The following EPHA3 variants were observed in gnomAD, a reference collection of about 807,000 sequenced individuals.
EPHA3 encodes EPH receptor A3.
EPHA3 carries 42 observed loss-of-function variants against 107.1 expected under a neutral mutation model. That is an observed-to-expected ratio of 0.39 (90% CI 0.31 to 0.51). The LOEUF is 0.51. Among genes scored for constraint, EPHA3 ranks in the 20% least tolerant of loss-of-function variants. The pLI, the probability that EPHA3 is intolerant of heterozygous loss-of-function variation, is 0.78. For synonymous variants in EPHA3, 461 were observed against 424.8 expected (o/e 1.09, Z -1.05); for missense variants, 1,183 against 1,211.2 (o/e 0.98, Z 0.35).
In EPHA3 at chr3:89,472,572, G is replaced by A. The variant is rs761761984; in HGVS notation, c.2799G>A (p.Thr933=). The change falls in exon 16 of 17, where the codon ACG becomes ACA. Residue 933 remains threonine, a synonymous_variant. Transcript: ENST00000336596. ...CAGCACACTGCAAGGAAATCTTCAC[G>A]GGTGTGGAGTACAGTTCTTGTGACA... The part of the protein sequence containing the change: ...VWTAHCKEIF[T]GVEYSSCDTI... 1.2e-6 allele frequency: 2 copies of A among 1,614,048 alleles called. No homozygotes were observed. The highest frequency in any genetic ancestry group is 8.5e-7 in the Non-Finnish European group (1 of 1,179,962).
intron 3 of EPHA3, among the ~76,000 whole-genome samples, chr3:89,219,869 C>T (rs1234214283): frequency 2.7e-5 from 4 of 148,068 alleles, no homozygotes; most frequent in East Asian, 2.0e-4. Context: ...CCACTACGCC[C>T]GGCTAATTTT....
In EPHA3 at chr3:89,454,061, C is replaced by A. The variant is rs1309666741; in HGVS notation, c.2690+3691C>A. Among the ~76,000 whole-genome samples, 3 of 152,032 alleles carry A rather than the reference C, an allele frequency of 2.0e-5. 1 individual carries two copies. The highest frequency in any genetic ancestry group is 2.9e-5 in the Non-Finnish European group (2 of 68,006). On this transcript the variant is annotated intron_variant, in intron 15 of 16. Coordinates refer to ENST00000336596, the MANE Select transcript of EPHA3 (RefSeq NM_005233.6). ...TATCTTATTCTTATCACCAGGGGAA[C>A]CTATTACACATACAAATATCCAGGT...
rs1265629192 is a variant in EPHA3, at chr3:89,231,465, C to CTTT, written c.814+20948_814+20950dup. ...AGAAAGCAATTTGTTTGCTATTTGC[C>CTTT]TTTTTCCTTCTTGCTTCCTTCCCTC... is the stretch of plus-strand genomic sequence containing the variant. On this transcript the variant is annotated intron_variant, in intron 3 of 16. Coordinates refer to ENST00000336596, the MANE Select transcript of EPHA3 (RefSeq NM_005233.6). Among the ~76,000 whole-genome samples the CTTT allele has an allele frequency of 1.1e-4, 16 of 152,224 alleles. No homozygotes were observed. In the East Asian group the frequency reaches 2.3e-3, roughly 22 times the overall value.
chr3:89,160,546 TTTTGTGTGTGTGTGTGTG>T (rs1283292343), intron 2 of EPHA3, among the ~76,000 whole-genome samples: 8 of 90,900 alleles, frequency 8.8e-5, no homozygotes, highest in South Asian at 6.3e-4. Flanking sequence ...TAATATTAGA[TTTTGTGTGTGTGTGTGTG>T]TGTGTGTGTG....
intron 3 of EPHA3, among the ~76,000 whole-genome samples, chr3:89,283,870 T>A (rs1228337162): frequency 1.3e-5 from 2 of 152,108 alleles, no homozygotes; most frequent in Non-Finnish European, 2.9e-5. Context: ...GGAATATGTT[T>A]TGTCTTCTCT....
chr3:89,230,822 T>TCA (rs1247637593), intron 3 of EPHA3, among the ~76,000 whole-genome samples: 121 of 144,122 alleles, frequency 8.4e-4, no homozygotes, highest in Non-Finnish European at 1.3e-3. Context: ...TCTCTCTCTC[T>TCA]CTCACACACA....
At chr3:89,121,133 G>C (rs1294600946) in intron 1 of EPHA3, among the ~76,000 whole-genome samples, 6 of 152,174 alleles carry the variant, frequency 3.9e-5, no homozygotes, top group Admixed American at 1.3e-4. Flanking sequence ...CTACTCGGGA[G>C]GCTGAGGCAG....
chr3:89,268,385 T>G (rs1705586452), intron 3 of EPHA3, among the ~76,000 whole-genome samples: 1 of 152,128 alleles, frequency 6.6e-6, no homozygotes, highest in Non-Finnish European at 1.5e-5. Flanking sequence ...TAATCTTCAT[T>G]GCTTAGAAAC....
At chr3:89,271,215 A>G (rs930640549) in intron 3 of EPHA3, among the ~76,000 whole-genome samples, 14 of 152,058 alleles carry the variant, frequency 9.2e-5, no homozygotes, top group African/African-American at 3.1e-4. Context: ...TTTTACCTAT[A>G]AAGTCACTGT....
At chr3:89,146,759 G>A (rs967720185) in intron 2 of EPHA3, among the ~76,000 whole-genome samples, 1 of 151,744 alleles carries the variant, frequency 6.6e-6, no homozygotes. Context: ...TTTCTTCTAG[G>A]GTTTTTATAG....
intron 3 of EPHA3, among the ~76,000 whole-genome samples, chr3:89,289,652 C>A (rs1160195892): frequency 6.6e-6 from 1 of 151,968 alleles, no homozygotes; most frequent in Non-Finnish European, 1.5e-5. Context: ...TTTATAAGTT[C>A]TTCCCAGTGA....
At chr3:89,148,312 G>C (rs1416050803) in intron 2 of EPHA3, among the ~76,000 whole-genome samples, 1 of 151,916 alleles carries the variant, frequency 6.6e-6, no homozygotes, top group African/African-American at 2.4e-5. Flanking sequence ...GTATCTAAAA[G>C]ATAATGGAGA....
At chr3:89,351,412 G>A (rs1226888896) in intron 5 of EPHA3, among the ~76,000 whole-genome samples, 8 of 150,196 alleles carry the variant, frequency 5.3e-5, no homozygotes, top group African/African-American at 7.3e-5. Context: ...TCTTTGACTC[G>A]GAAAGGGAAC....
At chr3:89,197,152 C>G (rs1705854731) in intron 2 of EPHA3, among the ~76,000 whole-genome samples, 1 of 152,116 alleles carries the variant, frequency 6.6e-6, no homozygotes, top group African/African-American at 2.4e-5. Context: ...ACCTAAATGA[C>G]CTTCTACTCA....
chr3:89,453,686 T>C lies in EPHA3; in HGVS notation c.2690+3316T>C, dbSNP rs886159155. Among the ~76,000 whole-genome samples, 71 of 152,338 alleles carry C rather than the reference T, an allele frequency of 4.7e-4. 1 individual carries two copies. The highest frequency in any genetic ancestry group is 1.7e-3 in the African/African-American group (71 of 41,584). Reference sequence around the variant, plus strand: ...CTATGTCAAGAAGTTTTTTTCTCTTTAGAAAATTTGCTTTCCTACTTTTGA... The same window carrying C: ...CTATGTCAAGAAGTTTTTTTCTCTTCAGAAAATTTGCTTTCCTACTTTTGA... On this transcript the variant is annotated intron_variant, in intron 15 of 16. Transcript: ENST00000336596.
chr3:89,278,941 G>A (rs551434527), intron 3 of EPHA3, among the ~76,000 whole-genome samples: 157 of 152,268 alleles, frequency 1.0e-3, no homozygotes, highest in African/African-American at 3.6e-3. Context: ...TTTTTAACTC[G>A]AGGATTCTCA....
chr3:89,473,767 TC>T (rs1415979268), intron 16 of EPHA3, among the ~76,000 whole-genome samples: 2 of 152,122 alleles, frequency 1.3e-5, no homozygotes, highest in Non-Finnish European at 2.9e-5. Context: ...TCATTTATCT[TC>T]AAAAGAAGTA....
intron 3 of EPHA3, among the ~76,000 whole-genome samples, chr3:89,320,020 G>GT (rs1707006274): frequency 1.3e-5 from 2 of 151,758 alleles, no homozygotes; most frequent in Admixed American, 6.6e-5. Context: ...TTAAGCATGA[G>GT]TTTTTTCAGA....
intron 5 of EPHA3, among the ~76,000 whole-genome samples, chr3:89,354,712 T>C (rs895543030): frequency 6.6e-6 from 1 of 151,172 alleles, no homozygotes; most frequent in African/African-American, 2.4e-5. Context: ...CTTCTTGACA[T>C]GATTAGCACT....
Sources: allele counts gnomAD v4.1 joint callset (sites outside exome capture counted in the v4.1 genomes callset), GRCh38; gene constraint gnomAD v4.1.1; transcripts MANE v1.5; gene names NCBI Gene and HGNC (gene_info 2026-07-23, HGNC 2026-07-21).